The following CHL1 variants were observed in gnomAD, a reference collection of about 807,000 sequenced individuals.
The protein encoded by CHL1 is cell adhesion molecule L1 like, also known as neural cell adhesion molecule L1-like protein.
Under a neutral mutation model 141.9 loss-of-function variants are expected in CHL1, and 96 were observed. The ratio of observed to expected loss-of-function variants is 0.68; its 90% CI spans 0.57 to 0.80. CHL1 has a LOEUF of 0.80. Among genes scored for constraint, CHL1 ranks in the 30% least tolerant of loss-of-function variants. CHL1 has a pLI of 0.00. For missense variants in CHL1, 1,820 were observed against 1,457.2 expected, an observed-to-expected ratio of 1.25 and a Z score of -4.05; for synonymous variants, 613 against 502.2, an observed-to-expected ratio of 1.22 and a Z score of -2.95.
intron 2 of CHL1, among the ~76,000 whole-genome samples, chr3:318,431 A>T (rs1345160431): frequency 2.6e-5 from 4 of 151,858 alleles, no homozygotes; most frequent in Non-Finnish European, 4.4e-5. Flanking sequence ...TACCTGAAAG[A>T]CTAATTCTCA....
intron 1 of CHL1, among the ~76,000 whole-genome samples, chr3:234,953 T>C (rs1229822695): frequency 6.6e-6 from 1 of 152,028 alleles, no homozygotes; most frequent in African/African-American, 2.4e-5. Context: ...TTCACATGTA[T>C]TTCAGTGTGA....
chr3:392,291 C>T (rs76138295), intron 23 of CHL1, among the ~76,000 whole-genome samples: 5,448 of 152,298 alleles, frequency 0.036, 140 homozygotes, highest in African/African-American at 0.079. Context: ...TCCACGCTAC[C>T]TCTTCTGCCT....
At chr3:363,901 T>C (rs1704548995) in intron 14 of CHL1, 1 of 152,278 alleles carries the variant, frequency 6.6e-6, no homozygotes, top group Non-Finnish European at 1.5e-5. Flanking sequence ...ACTGATATTT[T>C]GATTTTAATA....
intron 1 of CHL1, among the ~76,000 whole-genome samples, chr3:220,221 C>T (rs1227689962): frequency 6.6e-6 from 1 of 152,158 alleles, no homozygotes; most frequent in South Asian, 2.1e-4. Flanking sequence ...AATACCCCAT[C>T]TACCTTTGTC....
chr3:323,188 A>C (rs1247269234), intron 3 of CHL1, among the ~76,000 whole-genome samples: 1 of 152,028 alleles, frequency 6.6e-6, no homozygotes, highest in Non-Finnish European at 1.5e-5. Context: ...GAACCAAGTG[A>C]GCCCATTCAT....
At chr3:289,535 A>T (rs1223477145) in intron 2 of CHL1, among the ~76,000 whole-genome samples, 2 of 152,166 alleles carry the variant, frequency 1.3e-5, no homozygotes, top group Non-Finnish European at 2.9e-5. Flanking sequence ...GCAAACACTG[A>T]ATTAGTAAAT....
chr3:251,713 G>C (rs901991724), intron 2 of CHL1, among the ~76,000 whole-genome samples: 16 of 152,074 alleles, frequency 1.1e-4, no homozygotes, highest in African/African-American at 3.9e-4. Flanking sequence ...GTTGTTTTTG[G>C]AAAGTAGACT....
chr3:380,207 C>A (rs543642711), intron 16 of CHL1, among the ~76,000 whole-genome samples: 8 of 152,294 alleles, frequency 5.3e-5, no homozygotes, highest in African/African-American at 1.7e-4. Context: ...GAAGAATTAA[C>A]TTTTTATTTA....
intron 2 of CHL1, among the ~76,000 whole-genome samples, chr3:288,140 A>G (rs577203523): frequency 3.3e-5 from 5 of 152,324 alleles, no homozygotes; most frequent in South Asian, 2.1e-4. Context: ...AGAATACAGG[A>G]TGAAACAAAG....
intron 2 of CHL1, among the ~76,000 whole-genome samples, chr3:295,875 G>A (rs1285921172): frequency 6.6e-6 from 1 of 152,124 alleles, no homozygotes; most frequent in East Asian, 1.9e-4. Context: ...TTTAAGCGAC[G>A]ATTGAGTGTA....
intron 2 of CHL1, among the ~76,000 whole-genome samples, chr3:276,999 C>G (rs1350975606): frequency 6.6e-6 from 1 of 150,454 alleles, no homozygotes; most frequent in African/African-American, 2.4e-5. Context: ...AATGACTTCT[C>G]TATACCCAAA....
chr3:380,042 G>C (rs900802502), intron 16 of CHL1, among the ~76,000 whole-genome samples: 6 of 152,230 alleles, frequency 3.9e-5, no homozygotes, highest in Middle Eastern at 3.4e-3. Context: ...AAGTTCATCA[G>C]TTCTAGCTCC....
intron 2 of CHL1, among the ~76,000 whole-genome samples, chr3:249,928 G>A (rs1273274434): frequency 6.6e-6 from 1 of 151,842 alleles, no homozygotes; most frequent in East Asian, 1.9e-4. Flanking sequence ...CCTGGGGACT[G>A]TGAATTAAAC....
intron 9 of CHL1, among the ~76,000 whole-genome samples, chr3:347,642 C>T (rs781574264): frequency 1.3e-5 from 2 of 152,102 alleles, no homozygotes; most frequent in Non-Finnish European, 2.9e-5. Flanking sequence ...TTGAAAAAAT[C>T]CTGTTTTAGG....
chr3:365,936 T>C lies in CHL1; in HGVS notation c.1586-14T>C. 6.2e-7 allele frequency: 1 copy of C among 1,606,724 alleles called. No homozygotes were observed. Among genetic ancestry groups the C allele is most frequent in the Non-Finnish European group, 8.5e-7 (1 of 1,175,488 alleles). ...CGCTTAGTTCTAACTAATATCTTTGTTTGGTAAAAACAGATGCTACAAAAC... is the reference window on the plus strand; with the variant it reads ...CGCTTAGTTCTAACTAATATCTTTGCTTGGTAAAAACAGATGCTACAAAAC... On this transcript the variant is annotated splice_polypyrimidine_tract_variant and intron_variant, in intron 14 of 27. Transcript: ENST00000256509.
chr3:237,106 C>T (rs1190228328), intron 1 of CHL1, among the ~76,000 whole-genome samples: 3 of 152,176 alleles, frequency 2.0e-5, no homozygotes, highest in African/African-American at 7.2e-5. Context: ...GCTCTGTGTT[C>T]TCACCTAAAT....
intron 1 of CHL1, among the ~76,000 whole-genome samples, chr3:228,453 T>G (rs1701564689): frequency 6.6e-6 from 1 of 150,670 alleles, no homozygotes; most frequent in Non-Finnish European, 1.5e-5. Context: ...AAGTCATGTT[T>G]GCATACACTC....
chr3:325,118 G>T (rs2125064300), intron 3 of CHL1, among the ~76,000 whole-genome samples: 1 of 149,428 alleles, frequency 6.7e-6, no homozygotes, highest in East Asian at 2.0e-4. Flanking sequence ...ACATAAATGA[G>T]GAATAACAAA....
chr3:338,866 T>A (rs116571306), intron 5 of CHL1, among the ~76,000 whole-genome samples: 1,737 of 152,308 alleles, frequency 0.011, 31 homozygotes, highest in African/African-American at 0.04. Context: ...ATGATAATGC[T>A]TCAGTGGCAG....
Sources: allele counts gnomAD v4.1 joint callset (sites outside exome capture counted in the v4.1 genomes callset), GRCh38; gene constraint gnomAD v4.1.1; transcripts MANE v1.5; gene names NCBI Gene and HGNC (gene_info 2026-07-23, HGNC 2026-07-21).